Variants in ZNF766 observed in about 807,000 individuals in gnomAD.
ZNF766 encodes the protein zinc finger protein 766.
In ZNF766, 13 loss-of-function variants were observed where a neutral mutation model predicts 13.2. The ratio of observed to expected loss-of-function variants is 0.98; its 90% confidence interval spans 0.64 to 1.56. The LOEUF is 1.56. Ranked by LOEUF, ZNF766 falls within the 40% of genes most tolerant of loss-of-function variation. The pLI is 0.00. For synonymous variants in ZNF766, 178 were observed against 187.6 expected, an observed-to-expected ratio of 0.95 and a Z score of 0.42; for missense variants, 521 against 552.2, an observed-to-expected ratio of 0.94 and a Z score of 0.57.
intron 1 of ZNF766, among the ~76,000 whole-genome samples, chr19:52,270,650 G>A (rs1002601772): frequency 6.6e-6 from 1 of 152,066 alleles, no homozygotes; most frequent in Non-Finnish European, 1.5e-5. Context: ...AAGGGGGCGT[G>A]ACAGAGAAGA....
chr19:52,283,262 T>A, intron 2 of ZNF766, 23 bp from the exon 3 acceptor site: 1 of 1,609,576 alleles, frequency 6.2e-7, no homozygotes, highest in Non-Finnish European at 8.5e-7. Context: ...ACAGCACATC[T>A]TGATTCTTTC....
chr19:52,286,616 T>C (rs1981843624), intron 3 of ZNF766, among the ~76,000 whole-genome samples: 1 of 152,134 alleles, frequency 6.6e-6, no homozygotes, highest in African/African-American at 2.4e-5. Flanking sequence ...CAAATGTTTT[T>C]CTGCATCAGC....
intron 1 of ZNF766, chr19:52,277,534 T>C (rs1981270870): frequency 6.4e-7 from 1 of 1,574,566 alleles, no homozygotes; most frequent in South Asian, 1.1e-5. Flanking sequence ...GGCATGCCAC[T>C]TACTCAGGTA....
At chr19:52,276,178 G>A (rs1160215104) in intron 1 of ZNF766, among the ~76,000 whole-genome samples, 1 of 152,118 alleles carries the variant, frequency 6.6e-6, no homozygotes, top group African/African-American at 2.4e-5. Context: ...CTGAAAATGC[G>A]TTTCTCAGAA....
At chr19:52,280,858 G>T (rs1171335336) in intron 1 of ZNF766, among the ~76,000 whole-genome samples, 1 of 150,668 alleles carries the variant, frequency 6.6e-6, no homozygotes, top group South Asian at 2.1e-4. Context: ...GGGATTACAG[G>T]TGTGAGCCAA....
At position 52,292,411 on chromosome 19, in the gene ZNF766, A is replaced by G. The variant is rs1025883601; in HGVS notation, c.*1213A>G. On this transcript the variant is annotated 3_prime_UTR_variant, in exon 4 of 4. Coordinates refer to ENST00000439461, the MANE Select transcript of ZNF766 (RefSeq NM_001010851.3). ...AAATGACCATGAAATAGAGCACGCC[A>G]TGACTTTAGGACACAGGGATTTTTA... The G allele has an allele frequency of 2.0e-5, 10 of 505,698 alleles. No homozygotes were observed. Among genetic ancestry groups the G allele is most frequent in the African/African-American group, 1.2e-4 (6 of 51,414 alleles). The allele number at this position is 505,698 out of a possible 1,614,324, so 31.3% of individuals were successfully genotyped here.
At chr19:52,281,450 C>T (rs946492888) in intron 1 of ZNF766, 5 of 279,066 alleles carry the variant, frequency 1.8e-5, no homozygotes, top group East Asian at 1.4e-4. Context: ...ACCTAGGAGG[C>T]GGAGGTTGCA....
chr19:52,272,946 T>G (rs1344421977), intron 1 of ZNF766, among the ~76,000 whole-genome samples: 1 of 152,200 alleles, frequency 6.6e-6, no homozygotes, highest in Non-Finnish European at 1.5e-5. Flanking sequence ...GACCCTGTAC[T>G]TCCTGGGGCT....
chr19:52,271,980 C>CAAAAA (rs371229113), intron 1 of ZNF766, among the ~76,000 whole-genome samples: 4 of 89,160 alleles, frequency 4.5e-5, no homozygotes, highest in Non-Finnish European at 8.5e-5. Flanking sequence ...GAGACTGTCT[C>CAAAAA]AAAAAAAAAA....
chr19:52,280,356 C>G (rs1337563693), intron 1 of ZNF766, among the ~76,000 whole-genome samples: 1 of 151,926 alleles, frequency 6.6e-6, no homozygotes, highest in East Asian at 1.9e-4. Flanking sequence ...AAGACCCAGT[C>G]TCTAAGAATT....
At chr19:52,290,040 A>T in intron 3 of ZNF766, 26 bp from the exon 4 acceptor site, 2 of 1,566,492 alleles carry the variant, frequency 1.3e-6, no homozygotes, top group Non-Finnish European at 1.7e-6. Flanking sequence ...ATGGGTTCAA[A>T]TTATACTCTT....
intron 1 of ZNF766, among the ~76,000 whole-genome samples, chr19:52,271,325 C>G (rs1980963273): frequency 6.6e-6 from 1 of 152,098 alleles, no homozygotes; most frequent in Non-Finnish European, 1.5e-5. Context: ...TAGATACTAT[C>G]AAAATTGAGT....
chr19:52,286,741 T>C (rs1981848687), intron 3 of ZNF766, among the ~76,000 whole-genome samples: 1 of 152,222 alleles, frequency 6.6e-6, no homozygotes, highest in Non-Finnish European at 1.5e-5. Context: ...TACTTGGTCA[T>C]GAGGTGTGAT....
rs1982094355 is a variant in ZNF766 at position 52,290,713 on chromosome 19, T to C, written c.922T>C (p.Tyr308His). The change falls in exon 4 of 4, where the codon TAT becomes CAT. Residue 308 changes from tyrosine (Y) to histidine (H), a missense_variant. Physicochemically the swap from Tyr to His is moderately conservative, Grantham distance 83. Transcript: ENST00000439461. ...PHKCNKCGKV[Y>H]SSSSYLAQHW... ...TAAATGTAACAAATGTGGCAAGGTTTATAGTAGCAGTTCATACCTAGCACA... is the reference window on the plus strand; with the variant it reads ...TAAATGTAACAAATGTGGCAAGGTTCATAGTAGCAGTTCATACCTAGCACA... 1 of 1,613,826 alleles carries C rather than the reference T, an allele frequency of 6.2e-7. No individual in the cohort carries two copies. Among genetic ancestry groups the C allele is most frequent in the Non-Finnish European group, 8.5e-7 (1 of 1,179,930 alleles).
At chr19:52,279,106 T>G (rs1443295998) in intron 1 of ZNF766, among the ~76,000 whole-genome samples, 1 of 152,222 alleles carries the variant, frequency 6.6e-6, no homozygotes, top group South Asian at 2.1e-4. Context: ...TAGCTGGTTA[T>G]CCAGCACCGT....
At chr19:52,278,705 C>T (rs547645336) in intron 1 of ZNF766, among the ~76,000 whole-genome samples, 2 of 152,238 alleles carry the variant, frequency 1.3e-5, no homozygotes, top group South Asian at 2.1e-4. Context: ...GCACCTGGCC[C>T]TTTGCCCACT....
At chr19:52,272,264 A>G (rs1379088987) in intron 1 of ZNF766, among the ~76,000 whole-genome samples, 6 of 151,942 alleles carry the variant, frequency 3.9e-5, no homozygotes, top group South Asian at 2.1e-4. Flanking sequence ...TCGAAGTCCA[A>G]TTTTGAATTT....
At chr19:52,277,468 C>T in intron 1 of ZNF766, 1 of 1,555,248 alleles carries the variant, frequency 6.4e-7, no homozygotes, top group Non-Finnish European at 8.6e-7. Flanking sequence ...CAAAAAAAAA[C>T]AAAAAAAGTC....
chr19:52,287,953 T>G (rs1196509950), intron 3 of ZNF766: 3 of 416,174 alleles, frequency 7.2e-6, no homozygotes, highest in African/African-American at 6.4e-5. Context: ...TCTCTAGTGC[T>G]TCTCTGCTGT....
Sources: allele counts gnomAD v4.1 joint callset (sites outside exome capture counted in the v4.1 genomes callset), GRCh38; gene constraint gnomAD v4.1.1; transcripts MANE v1.5; gene names NCBI Gene and HGNC (gene_info 2026-07-23, HGNC 2026-07-21).